The following CCDC88C variants were observed in gnomAD, a reference collection of about 807,000 sequenced individuals.
CCDC88C encodes the protein protein Daple.
In CCDC88C, 131 loss-of-function variants were observed where a neutral mutation model predicts 198.8. The ratio of observed to expected loss-of-function variants is 0.66; its 90% CI spans 0.57 to 0.76. The LOEUF is 0.76. Ranked by LOEUF, CCDC88C falls within the 30% of genes least tolerant of loss-of-function variation. The pLI is 0.00. For missense variants in CCDC88C, 2,553 were observed against 2,631.6 expected, an observed-to-expected ratio of 0.97 and a Z score of 0.65; for synonymous variants, 1,166 against 1,114.7, an observed-to-expected ratio of 1.05 and a Z score of -0.92.
At chr14:91,354,693 G>C (rs1189298459) in intron 4 of CCDC88C, among the ~76,000 whole-genome samples, 1 of 152,142 alleles carries the variant, frequency 6.6e-6, no homozygotes, top group African/African-American at 2.4e-5. Flanking sequence ...AAGAGAGAAA[G>C]GTGGGCCCCC....
At chr14:91,390,215 C>T (rs1450765645) in intron 3 of CCDC88C, among the ~76,000 whole-genome samples, 4 of 152,130 alleles carry the variant, frequency 2.6e-5, no homozygotes, top group Non-Finnish European at 5.9e-5. Context: ...GGTTCCAAAC[C>T]CCTTATGATG....
chr14:91,386,686 T>C (rs1439269465), intron 3 of CCDC88C, among the ~76,000 whole-genome samples: 1 of 152,216 alleles, frequency 6.6e-6, no homozygotes, highest in African/African-American at 2.4e-5. Context: ...CTTTCCACCA[T>C]GGCCGAGCCC....
chr14:91,348,322 T>TAA (rs11449969), intron 4 of CCDC88C, among the ~76,000 whole-genome samples: 12,465 of 117,728 alleles, frequency 0.11, 844 homozygotes, highest in Non-Finnish European at 0.14. Flanking sequence ...CTATCTCTAT[T>TAA]AAAAAAAAAA....
intron 3 of CCDC88C, among the ~76,000 whole-genome samples, chr14:91,388,957 A>G (rs1183524647): frequency 6.6e-6 from 1 of 152,206 alleles, no homozygotes; most frequent in Non-Finnish European, 1.5e-5. Context: ...TGTCTTCTTC[A>G]GACCCCATCA....
chr14:91,331,589 T>A (rs1892828585), intron 10 of CCDC88C, among the ~76,000 whole-genome samples: 2 of 152,170 alleles, frequency 1.3e-5, no homozygotes, highest in Admixed American at 1.3e-4. Context: ...GAATGATCAT[T>A]AGCCCAGTTC....
intron 21 of CCDC88C, 73 bp downstream of exon 21, chr14:91,299,854 T>C: frequency 6.9e-7 from 1 of 1,452,250 alleles, no homozygotes; most frequent in Non-Finnish European, 9.1e-7. Flanking sequence ...AACTTCTCAG[T>C]GGTTGCTATG....
rs941762 is a variant in CCDC88C at position 91,327,149 on chromosome 14, G to A, written c.1051-1093C>T. ...GTTACAAACAGCACACGCCAGGAACGTGTACGCTTCTTTCGGTGGGCAGAG... is the reference window on the plus strand; with the variant it reads ...GTTACAAACAGCACACGCCAGGAACATGTACGCTTCTTTCGGTGGGCAGAG... On this transcript the variant is annotated intron_variant, in intron 10 of 29. Transcript: ENST00000389857. 3.7e-3 allele frequency among the ~76,000 whole-genome samples: 562 copies of A among 152,326 alleles called. 2 individuals are homozygous for A. Among genetic ancestry groups the A allele is most frequent in the Middle Eastern group, 0.02 (6 of 294 alleles).
intron 23 of CCDC88C, among the ~76,000 whole-genome samples, chr14:91,293,404 C>CCATCCTCACG (rs1890796774): frequency 3.1e-5 from 1 of 31,770 alleles, no homozygotes; most frequent in Non-Finnish European, 5.5e-5. Context: ...GCCCACCTTC[C>CCATCCTCACG]TGCCCCCTCA....
At chr14:91,395,180 T>C (rs1885771581) in intron 3 of CCDC88C, among the ~76,000 whole-genome samples, 1 of 152,184 alleles carries the variant, frequency 6.6e-6, no homozygotes, top group African/African-American at 2.4e-5. Context: ...GGCTCTTGGT[T>C]GTTTTTCCAT....
intron 27 of CCDC88C, among the ~76,000 whole-genome samples, chr14:91,280,567 G>A (rs118134038): frequency 0.018 from 2,690 of 152,306 alleles, 39 homozygotes; most frequent in Middle Eastern, 0.024. Flanking sequence ...GTTTATTCAA[G>A]TACTGCAATG....
rs1408724809 is a variant in CCDC88C, at chr14:91,416,723, A to G, written c.161+15T>C. 26 of 1,561,200 alleles carry G rather than the reference A, an allele frequency of 1.7e-5. No individual in the cohort carries two copies. Among genetic ancestry groups the G allele is most frequent in the Non-Finnish European group, 2.2e-5 (25 of 1,133,554 alleles). On this transcript the variant is annotated intron_variant, in intron 2 of 29. Transcript: ENST00000389857. ...CGCACCATTCTTTCCTTCCTCCGAG[A>G]AGAAGGTAACTTACATTTGCAGCAT...
intron 3 of CCDC88C, among the ~76,000 whole-genome samples, chr14:91,388,442 A>G (rs1351988026): frequency 1.3e-5 from 2 of 152,148 alleles, no homozygotes; most frequent in African/African-American, 2.4e-5. Context: ...CTCAAGGCCC[A>G]GGCAGGTACC....
chr14:91,411,408 C>T (rs1288774263), intron 2 of CCDC88C, among the ~76,000 whole-genome samples: 3 of 152,140 alleles, frequency 2.0e-5, no homozygotes, highest in African/African-American at 7.2e-5. Flanking sequence ...CAGTAGCAAA[C>T]GTGGACTGTA....
At chr14:91,392,973 G>A (rs1885608228) in intron 3 of CCDC88C, among the ~76,000 whole-genome samples, 1 of 152,184 alleles carries the variant, frequency 6.6e-6, no homozygotes, top group African/African-American at 2.4e-5. Context: ...TAGCGAAAAA[G>A]GAAAGGTGCT....
Position 91,338,788 on chromosome 14 carries a change from C to G in CCDC88C, c.810-218G>C. ...ACACCGGCCCTTAAACTATGTCCAT[C>G]CGCCACTCAGGTCTCCCTCCCTGTG... On this transcript the variant is annotated intron_variant, in intron 8 of 29. Transcript: ENST00000389857. This position sits in a 1 kb window ranked among gnomAD's most constrained non-coding sequence, Gnocchi z 4.8. The G allele has an allele frequency of 5.4e-6, 3 of 556,704 alleles. No homozygotes were observed. The highest frequency in any genetic ancestry group is 9.7e-6 in the Non-Finnish European group (3 of 309,580). The allele number at this position is 556,704 out of a possible 1,614,324, so 34.5% of individuals were successfully genotyped here. A position where few individuals can be genotyped will look rare whatever the true frequency, so the allele number is the denominator to read the frequency against.
chr14:91,331,494 C>T (rs1383492775), intron 10 of CCDC88C, among the ~76,000 whole-genome samples: 2 of 152,186 alleles, frequency 1.3e-5, no homozygotes, highest in East Asian at 1.9e-4. Context: ...TCCTGGTCAC[C>T]ATGGTGGGGT....
chr14:91,348,942 G>A (rs559097047), intron 4 of CCDC88C, among the ~76,000 whole-genome samples: 3 of 152,174 alleles, frequency 2.0e-5, no homozygotes, highest in African/African-American at 2.4e-5. Flanking sequence ...TTTAAAAAGC[G>A]CCCAGGGCGG....
intron 4 of CCDC88C, among the ~76,000 whole-genome samples, chr14:91,358,745 C>T (rs1246797578): frequency 6.6e-6 from 1 of 152,076 alleles, no homozygotes; most frequent in East Asian, 1.9e-4. Context: ...TCAAGCGATC[C>T]TCCTGCCTCG....
intron 3 of CCDC88C, among the ~76,000 whole-genome samples, chr14:91,405,739 C>G (rs1257046394): frequency 3.9e-5 from 6 of 152,046 alleles, no homozygotes; most frequent in Admixed American, 1.3e-4. Flanking sequence ...AGAGCACGTA[C>G]AGTATGACCT....
Sources: allele counts gnomAD v4.1 joint callset (sites outside exome capture counted in the v4.1 genomes callset), GRCh38; gene constraint gnomAD v4.1.1; non-coding constraint Gnocchi (gnomAD v3.1); transcripts MANE v1.5; gene names NCBI Gene and HGNC (gene_info 2026-07-23, HGNC 2026-07-21).